The following DPP6 variants were observed in gnomAD, a reference collection of about 807,000 sequenced individuals.
The protein encoded by DPP6 is dipeptidyl peptidase like 6, also known as A-type potassium channel modulatory protein DPP6.
Under a neutral mutation model 122.6 loss-of-function variants are expected in DPP6, and 69 were observed. That is an observed-to-expected ratio of 0.56 (90% CI 0.46 to 0.69). DPP6 has a LOEUF of 0.69. DPP6 is among the 30% of genes least tolerant of loss of function. The pLI is 0.00. For missense variants in DPP6, 928 were observed against 1,116.9 expected (o/e 0.83, Z 2.41); for synonymous variants, 418 against 433.1 (o/e 0.97, Z 0.43).
chr7:154,575,365 ATG>A (rs1831531557), intron 5 of DPP6, among the ~76,000 whole-genome samples: 7 of 11,746 alleles, frequency 6.0e-4, no homozygotes, highest in African/African-American at 1.1e-3. Context: ...TGTGTGTGTG[ATG>A]TGTGTGTATG....
intron 1 of DPP6, among the ~76,000 whole-genome samples, chr7:153,898,356 G>A (rs1799496762): frequency 6.6e-6 from 1 of 152,146 alleles, no homozygotes; most frequent in African/African-American, 2.4e-5. Flanking sequence ...GGAGGCTTAG[G>A]TGCAAGGATT....
At chr7:154,689,306 G>A (rs555511816) in intron 7 of DPP6, among the ~76,000 whole-genome samples, 2 of 152,304 alleles carry the variant, frequency 1.3e-5, no homozygotes, top group East Asian at 1.9e-4. Flanking sequence ...GAATGACCTC[G>A]GTCATTGGGT....
At chr7:154,781,986 A>G (rs991007775) in intron 10 of DPP6, among the ~76,000 whole-genome samples, 3 of 152,254 alleles carry the variant, frequency 2.0e-5, no homozygotes, top group Non-Finnish European at 2.9e-5. Flanking sequence ...GAGTCACTAT[A>G]TTCTGATTTG....
intron 1 of DPP6, among the ~76,000 whole-genome samples, chr7:154,006,620 G>T (rs1484057040): frequency 6.6e-6 from 1 of 152,152 alleles, no homozygotes; most frequent in South Asian, 2.1e-4. Flanking sequence ...ACGGACAGCT[G>T]GTGGGTCTCT....
chr7:154,581,434 C>T (rs931758634), intron 5 of DPP6, among the ~76,000 whole-genome samples: 1 of 152,178 alleles, frequency 6.6e-6, no homozygotes, highest in East Asian at 1.9e-4. Context: ...CTTCCTCCCA[C>T]ACACCCTGAT....
chr7:154,494,383 T>C (rs914982365), intron 3 of DPP6, among the ~76,000 whole-genome samples: 1 of 148,298 alleles, frequency 6.7e-6, no homozygotes, highest in African/African-American at 2.4e-5. Flanking sequence ...ACATATTTTT[T>C]ATTATATATA....
intron 16 of DPP6, among the ~76,000 whole-genome samples, chr7:154,834,733 G>A (rs1470728343): frequency 2.0e-5 from 3 of 152,176 alleles, no homozygotes; most frequent in East Asian, 1.9e-4. Context: ...TGATGTTCAC[G>A]GCAAAGAAGT....
At chr7:154,425,350 C>T (rs1195090358) in intron 1 of DPP6, among the ~76,000 whole-genome samples, 1 of 152,240 alleles carries the variant, frequency 6.6e-6, no homozygotes, top group Non-Finnish European at 1.5e-5. Context: ...CTGTAAATAT[C>T]GAAGCATAAC....
chr7:154,843,154 T>C (rs1436171805), intron 16 of DPP6, among the ~76,000 whole-genome samples: 1 of 152,164 alleles, frequency 6.6e-6, no homozygotes, highest in Non-Finnish European at 1.5e-5. Flanking sequence ...ATACAAAAAT[T>C]AGCCAGGCGT....
chr7:153,773,270 T>C, the DPP6 span, among the ~76,000 whole-genome samples: 1 of 143,812 alleles, frequency 7.0e-6, no homozygotes, highest in Admixed American at 7.0e-5. Flanking sequence ...CTTTCGTGTG[T>C]GTGTGTGTGT....
intron 1 of DPP6, among the ~76,000 whole-genome samples, chr7:154,287,076 C>T (rs2150959308): frequency 6.6e-6 from 1 of 152,324 alleles, no homozygotes; most frequent in East Asian, 1.9e-4. Context: ...GCTGGGATTA[C>T]AGGTGTGAGC....
intron 1 of DPP6, among the ~76,000 whole-genome samples, chr7:154,442,199 C>G (rs976867954): frequency 2.0e-5 from 3 of 152,108 alleles, no homozygotes; most frequent in Non-Finnish European, 4.4e-5. Flanking sequence ...AAGTTTTGTA[C>G]GAGACATTGA....
chr7:154,585,938 A>G (rs935715599), intron 5 of DPP6, among the ~76,000 whole-genome samples: 1 of 152,168 alleles, frequency 6.6e-6, no homozygotes, highest in Non-Finnish European at 1.5e-5. Context: ...AGTCATGAGC[A>G]TGGGAGAAAG....
Position 153,951,916 on chromosome 7 carries a change from G to T in DPP6, c.51+64182G>T, listed in dbSNP as rs188586513. Among the ~76,000 whole-genome samples, 571 of 152,232 alleles carry T rather than the reference G, an allele frequency of 3.8e-3. 7 individuals carry two copies. The highest frequency in any genetic ancestry group is 0.013 in the African/African-American group (541 of 41,544). On this transcript the variant is annotated intron_variant, in intron 1 of 25. Coordinates refer to the DPP6 transcript ENST00000404039. ...AAATTACTTGGGCGTGGTGGTGCAT[G>T]CCTGTAGTCCCAGCTACTCGGGAGG...
At chr7:154,557,151 G>A (rs767439885) in intron 4 of DPP6, among the ~76,000 whole-genome samples, 5 of 152,136 alleles carry the variant, frequency 3.3e-5, no homozygotes, top group Admixed American at 2.6e-4. Context: ...CCCATCGGGG[G>A]CATCCAAGCT....
At position 154,324,503 on chromosome 7, in the gene DPP6, C is replaced by T. The variant is rs556279064; in HGVS notation, c.244-121711C>T. On this transcript the variant is annotated intron_variant, in intron 1 of 25. Transcript: ENST00000377770. The stretch of plus-strand genomic sequence containing the variant: ...TCTTCCTCTTACCACGGGGTGACCC[C>T]GGTGTGATCTCCCCTCCCAGGTTCC... Among the ~76,000 whole-genome samples the T allele has an allele frequency of 1.4e-3, 214 of 152,272 alleles. 1 individual carries two copies. Among genetic ancestry groups the T allele is most frequent in the Middle Eastern group, 6.8e-3 (2 of 294 alleles).
intron 17 of DPP6, among the ~76,000 whole-genome samples, chr7:154,864,989 G>T (rs1397318823): frequency 2.0e-5 from 3 of 152,200 alleles, no homozygotes; most frequent in Non-Finnish European, 4.4e-5. Context: ...CAGCATTTGA[G>T]ATCGCACACT....
chr7:154,885,869 C>A, intron 22 of DPP6, 125 bp downstream of exon 22: 1 of 1,298,852 alleles, frequency 7.7e-7, no homozygotes, highest in Non-Finnish European at 1.1e-6. Context: ...CTCCAGGCCA[C>A]AGTCACCACC....
chr7:154,406,429 GCACA>G (rs10610650), intron 1 of DPP6, among the ~76,000 whole-genome samples: 22,537 of 149,480 alleles, frequency 0.15, 1,704 homozygotes, highest in South Asian at 0.18. Context: ...ACACACGCAT[GCACA>G]CACACACACA....
Sources: gnomAD v4.1 joint callset for allele counts (sites outside exome capture counted in the v4.1 genomes callset) on GRCh38, gnomAD v4.1.1 for gene constraint, MANE v1.5 for transcripts, NCBI Gene and HGNC (gene_info 2026-07-23, HGNC 2026-07-21) for gene names.